SMARCA4: variants seen among roughly 807,000 people sequenced by gnomAD.
The protein encoded by SMARCA4 is SWI/SNF related BAF chromatin remodeling complex subunit ATPase 4.
In SMARCA4, 31 loss-of-function variants were observed where a neutral mutation model predicts 193.9. The ratio of observed to expected loss-of-function variants is 0.16; its 90% confidence interval spans 0.12 to 0.22. SMARCA4 has a LOEUF of 0.22. SMARCA4 is among the 10% of genes least tolerant of loss of function. SMARCA4 has a pLI of 1.00. For synonymous variants in SMARCA4, 942 were observed against 933.1 expected (o/e 1.01, Z -0.17); for missense variants, 1,148 against 2,296.0 (o/e 0.50, Z 10.22).
At chr19:11,050,990 C>T (rs548215718) in intron 30 of SMARCA4, among the ~76,000 whole-genome samples, 4 of 152,374 alleles carry the variant, frequency 2.6e-5, no homozygotes, top group Admixed American at 1.3e-4. Context: ...GGCATGCCCA[C>T]TTATGGGCAT....
chr19:11,054,432 C>G (rs2076429415), intron 30 of SMARCA4, among the ~76,000 whole-genome samples: 1 of 152,186 alleles, frequency 6.6e-6, no homozygotes, highest in South Asian at 2.1e-4. Context: ...GAAGAAGCAG[C>G]CAACCTCGGC....
intron 11 of SMARCA4, among the ~76,000 whole-genome samples, chr19:11,002,242 G>T (rs1316380735): frequency 2.6e-5 from 4 of 152,136 alleles, no homozygotes; most frequent in African/African-American, 9.7e-5. Context: ...GGCCTTGGGA[G>T]GCCGAGGCGG....
At chr19:10,971,151 G>A (rs1005230628) in intron 1 of SMARCA4, among the ~76,000 whole-genome samples, 12 of 152,010 alleles carry the variant, frequency 7.9e-5, no homozygotes, top group Non-Finnish European at 1.6e-4. Flanking sequence ...AGCTGAGATC[G>A]CACCATTGCA....
At chr19:10,981,998 A>C (rs1416138334) in intron 1 of SMARCA4, among the ~76,000 whole-genome samples, 1 of 151,598 alleles carries the variant, frequency 6.6e-6, no homozygotes, top group Non-Finnish European at 1.5e-5. Flanking sequence ...CAAAACAAAA[A>C]CCCCTACCTT....
chr19:11,012,790 G>A (rs1485452811), intron 15 of SMARCA4, 159 bp from the exon 16 acceptor site: 1 of 710,408 alleles, frequency 1.4e-6, no homozygotes, highest in African/African-American at 1.7e-5. Context: ...TAAAGAATCA[G>A]TTTGGTTCAG....
At chr19:11,038,824 C>G (rs952782835) in intron 29 of SMARCA4, among the ~76,000 whole-genome samples, 4 of 152,198 alleles carry the variant, frequency 2.6e-5, no homozygotes, top group African/African-American at 9.7e-5. Context: ...TGGGGATTCT[C>G]TTAATATTGT....
Position 11,054,217 on chromosome 19 carries a change from A to G in SMARCA4, c.4425-4038A>G, listed in dbSNP as rs2076416098. Among the ~76,000 whole-genome samples, 5 of 152,184 alleles carry G rather than the reference A, an allele frequency of 3.3e-5. No individual in the cohort carries two copies. In the South Asian group the frequency reaches 1.0e-3, roughly 32 times the overall value. On this transcript the variant is annotated intron_variant, in intron 30 of 34. Coordinates refer to ENST00000344626, the MANE Select transcript of SMARCA4 (RefSeq NM_003072.5). ...AAATTCCTAGGAGAACTGCAAACTAAACACTTGTTCCTGAGTGTCCACAGA... is the reference window on the plus strand; with the variant it reads ...AAATTCCTAGGAGAACTGCAAACTAGACACTTGTTCCTGAGTGTCCACAGA...
intron 1 of SMARCA4, among the ~76,000 whole-genome samples, chr19:10,974,943 T>C (rs1234068249): frequency 6.7e-6 from 1 of 149,680 alleles, no homozygotes; most frequent in Non-Finnish European, 1.5e-5. Context: ...GGTGATCCGC[T>C]CGCCTCAGCT....
chr19:11,052,366 C>T (rs1297470118), intron 30 of SMARCA4, among the ~76,000 whole-genome samples: 4 of 152,080 alleles, frequency 2.6e-5, no homozygotes, highest in Non-Finnish European at 4.4e-5. Flanking sequence ...TTGGAGGCAC[C>T]GCTGCACTCA....
chr19:11,016,095 T>C (rs1444968809), intron 16 of SMARCA4: 1 of 151,856 alleles, frequency 6.6e-6, no homozygotes, highest in Non-Finnish European at 1.5e-5. Flanking sequence ...CGGATTCCAC[T>C]CCTGGTGGAA....
At chr19:11,012,078 T>G (rs1464494642) in intron 15 of SMARCA4, 1 of 152,146 alleles carries the variant, frequency 6.6e-6, no homozygotes, top group Non-Finnish European at 1.5e-5. Flanking sequence ...GCAATTAAAA[T>G]AATTAGAACT....
At position 10,978,187 on chromosome 19, in the gene SMARCA4, C is replaced by T. The variant is rs8100601; in HGVS notation, c.-31-5934C>T. On this transcript the variant is annotated intron_variant, in intron 1 of 34. Transcript: ENST00000344626. ...GGAGGTGAAGGCAAGCCACAGTCCC[C>T]GCTGGATTTGCAAATATCCCTTCCC... Among the ~76,000 whole-genome samples, 1,198 of 152,322 alleles carry T rather than the reference C, an allele frequency of 7.9e-3. 19 individuals are homozygous for T. Among genetic ancestry groups the T allele is most frequent in the African/African-American group, 0.027 (1,134 of 41,570 alleles).
chr19:10,970,321 G>A (rs1352226905), intron 1 of SMARCA4, among the ~76,000 whole-genome samples: 2 of 152,220 alleles, frequency 1.3e-5, no homozygotes, highest in Non-Finnish European at 2.9e-5. Context: ...CAATCAAATC[G>A]AGGAGGGGGT....
intron 1 of SMARCA4, among the ~76,000 whole-genome samples, chr19:10,980,433 G>A (rs772366334): frequency 3.9e-5 from 6 of 152,162 alleles, no homozygotes; most frequent in Admixed American, 6.6e-5. Flanking sequence ...GGCTGTGACG[G>A]CATCGCATGA....
intron 30 of SMARCA4, among the ~76,000 whole-genome samples, chr19:11,042,581 C>T (rs1273469317): frequency 6.6e-6 from 1 of 152,204 alleles, no homozygotes; most frequent in African/African-American, 2.4e-5. Context: ...GGAATTGTAT[C>T]TGTTGGAGGG....
At chr19:11,015,524 G>A (rs901221512) in intron 16 of SMARCA4, among the ~76,000 whole-genome samples, 1 of 152,162 alleles carries the variant, frequency 6.6e-6, no homozygotes, top group Non-Finnish European at 1.5e-5. Context: ...TGGTGTCTCG[G>A]GCAAGGTGCC....
intron 6 of SMARCA4, 136 bp downstream of exon 6, chr19:10,988,060 C>G (rs2086223170): frequency 2.5e-6 from 2 of 807,168 alleles, no homozygotes; most frequent in Non-Finnish European, 4.1e-6. Flanking sequence ...ACACCTCCTT[C>G]CTCACCTCCC....
rs1220743965 is a variant in SMARCA4 at position 11,026,282 on chromosome 19, T to C, written c.3169-18T>C. The C allele has an allele frequency of 1.9e-6, 3 of 1,611,998 alleles. No homozygotes were observed. The highest frequency in any genetic ancestry group is 2.5e-6 in the Non-Finnish European group (3 of 1,178,310). On this transcript the variant is annotated intron_variant, in intron 22 of 34. Transcript: ENST00000344626. ...CCTGCTCCTGCCTGTCACTGACCCC[T>C]CTCTCCTTGCCTTGCAGGAGTCCTT... is the stretch of plus-strand genomic sequence containing the variant.
intron 24 of SMARCA4, among the ~76,000 whole-genome samples, chr19:11,029,322 C>T (rs916939111): frequency 2.6e-5 from 4 of 152,262 alleles, no homozygotes; most frequent in African/African-American, 9.6e-5. Flanking sequence ...GCCTGGTTCC[C>T]ACCCATCCCA....
Sources: gnomAD v4.1 joint callset for allele counts (sites outside exome capture counted in the v4.1 genomes callset) on GRCh38, gnomAD v4.1.1 for gene constraint, MANE v1.5 for transcripts, NCBI Gene and HGNC (gene_info 2026-07-23, HGNC 2026-07-21) for gene names.